PSD3: variants seen among roughly 807,000 people sequenced by gnomAD.
The protein encoded by PSD3 is PH and SEC7 domain-containing protein 3.
Under a neutral mutation model 105.5 loss-of-function variants are expected in PSD3, and 49 were observed. The ratio of observed to expected loss-of-function variants is 0.46; its 90% confidence interval spans 0.37 to 0.59. The LOEUF is 0.59. Among genes scored for constraint, PSD3 ranks in the 20% least tolerant of loss-of-function variants. The pLI, the probability that PSD3 is intolerant of heterozygous loss-of-function variation, is 0.00. For synonymous variants in PSD3, 557 were observed against 457.8 expected (o/e 1.22, Z -2.77); for missense variants, 1,561 against 1,263.8 (o/e 1.24, Z -3.57).
intron 1 of PSD3, among the ~76,000 whole-genome samples, chr8:18,943,634 G>C (rs1234555226): frequency 6.6e-6 from 1 of 152,034 alleles, no homozygotes; most frequent in East Asian, 1.9e-4. Flanking sequence ...CTATTCACAA[G>C]GAATGGTTAT....
rs1415286832 is a variant in PSD3 at position 18,674,052 on chromosome 8, G to T, written c.2173-18367C>A. 1.3e-5 allele frequency among the ~76,000 whole-genome samples: 2 copies of T among 152,086 alleles called. 1 individual carries two copies. Among genetic ancestry groups the T allele is most frequent in the East Asian group, 3.9e-4 (2 of 5,192 alleles). On this transcript the variant is annotated intron_variant, in intron 9 of 15. Transcript: ENST00000327040. ...CTGCTACTCTGGAAGCTGAGGACTT[G>T]GGAGGATTCCTTGAGCCCAGGAAGT...
At chr8:18,876,648 C>T (rs1402360765) in intron 2 of PSD3, among the ~76,000 whole-genome samples, 2 of 152,144 alleles carry the variant, frequency 1.3e-5, no homozygotes, top group Non-Finnish European at 2.9e-5. Context: ...GATACGCCTG[C>T]CTCGGCCTCC....
intron 9 of PSD3, among the ~76,000 whole-genome samples, chr8:18,691,859 G>A (rs555922523): frequency 4.6e-5 from 7 of 152,096 alleles, no homozygotes; most frequent in South Asian, 2.1e-4. Context: ...AATGCCAGTC[G>A]AAGTACATGA....
intron 8 of PSD3, 194 bp downstream of exon 8, chr8:18,799,101 T>A: frequency 1.8e-6 from 1 of 542,620 alleles, no homozygotes. Context: ...GGACGATGGA[T>A]TTAAAGTCAT....
chr8:18,884,037 T>G (rs1057326365), intron 2 of PSD3, among the ~76,000 whole-genome samples: 3 of 152,158 alleles, frequency 2.0e-5, no homozygotes, highest in Non-Finnish European at 4.4e-5. Context: ...GAAGCAAGCT[T>G]AAAATCACAT....
chr8:18,587,994 T>A (rs1316215086), intron 12 of PSD3, among the ~76,000 whole-genome samples: 1 of 152,166 alleles, frequency 6.6e-6, no homozygotes, highest in East Asian at 1.9e-4. Context: ...TAACTCCCTG[T>A]AGGATGCACA....
At chr8:18,548,021 G>A (rs548911141) in intron 15 of PSD3, among the ~76,000 whole-genome samples, 3 of 151,880 alleles carry the variant, frequency 2.0e-5, no homozygotes, top group East Asian at 3.9e-4. Flanking sequence ...TCCCCCATCT[G>A]ATTAGGTATT....
chr8:18,602,764 C>G (rs1472866633), intron 11 of PSD3, among the ~76,000 whole-genome samples: 1 of 152,106 alleles, frequency 6.6e-6, no homozygotes, highest in East Asian at 1.9e-4. Flanking sequence ...GCAGGTGCAA[C>G]TGCTCTGATT....
chr8:18,746,489 C>A (rs568161730), intron 9 of PSD3, among the ~76,000 whole-genome samples: 16 of 152,182 alleles, frequency 1.1e-4, no homozygotes, highest in Admixed American at 4.6e-4. Flanking sequence ...CTGGGGCACA[C>A]CAGCGTGGCC....
chr8:18,634,151 T>C (rs780701684), intron 10 of PSD3, among the ~76,000 whole-genome samples: 2 of 152,202 alleles, frequency 1.3e-5, no homozygotes, highest in Middle Eastern at 3.4e-3. Context: ...AGGTTCCTTA[T>C]AGAAGCTGGA....
intron 4 of PSD3, among the ~76,000 whole-genome samples, chr8:18,809,636 T>C (rs1297755507): frequency 1.3e-5 from 2 of 152,230 alleles, no homozygotes; most frequent in Non-Finnish European, 2.9e-5. Context: ...TCTTATATTT[T>C]ATCTGGCAAA....
chr8:18,662,296 G>C (rs533471137), intron 9 of PSD3, among the ~76,000 whole-genome samples: 1 of 152,238 alleles, frequency 6.6e-6, no homozygotes, highest in South Asian at 2.1e-4. Flanking sequence ...ATTATGCTAG[G>C]TACAGATGAA....
At chr8:18,970,320 G>C in intron 1 of PSD3, among the ~76,000 whole-genome samples, 1 of 34,748 alleles carries the variant, frequency 2.9e-5, no homozygotes, top group Non-Finnish European at 5.4e-5. Context: ...GCAAGACTCT[G>C]CCTCAAAAAA....
chr8:18,785,913 T>C (rs1462097051), intron 8 of PSD3, among the ~76,000 whole-genome samples: 1 of 152,214 alleles, frequency 6.6e-6, no homozygotes, highest in Non-Finnish European at 1.5e-5. Context: ...TGCTGTCTTA[T>C]ATGGGAATGG....
chr8:18,641,042 G>A (rs1270946878), intron 10 of PSD3, among the ~76,000 whole-genome samples: 1 of 152,146 alleles, frequency 6.6e-6, no homozygotes, highest in East Asian at 1.9e-4. Flanking sequence ...TTCTGCAGGT[G>A]CCTTGCACTC....
At chr8:19,013,418 C>A in intron 1 of PSD3, 145 bp downstream of exon 1, 5 of 1,046,488 alleles carry the variant, frequency 4.8e-6, no homozygotes, top group East Asian at 6.2e-5. Flanking sequence ...AGAGAAAAAT[C>A]GCACCCTGCA....
At chr8:18,620,800 C>T (rs188688052) in intron 11 of PSD3, among the ~76,000 whole-genome samples, 68 of 152,308 alleles carry the variant, frequency 4.5e-4, no homozygotes, top group Admixed American at 4.4e-3. Context: ...TTCTTATCCC[C>T]ATGATTAATT....
intron 11 of PSD3, 95 bp from the exon 12 acceptor site, chr8:18,600,529 T>C (rs1007882506): frequency 3.0e-6 from 3 of 1,000,626 alleles, no homozygotes; most frequent in East Asian, 2.4e-5. Context: ...TTCAATATTC[T>C]ACCTAGCTAC....
At chr8:18,841,693 TGAGTTTTCAAGA>T (rs1814641345) in intron 4 of PSD3, among the ~76,000 whole-genome samples, 1 of 152,116 alleles carries the variant, frequency 6.6e-6, no homozygotes, top group Non-Finnish European at 1.5e-5. Flanking sequence ...CAAAATTCTT[TGAGTTTTCAAGA>T]GACCTCCATC....
Sources: gnomAD v4.1 joint callset for allele counts (sites outside exome capture counted in the v4.1 genomes callset) on GRCh38, gnomAD v4.1.1 for gene constraint, MANE v1.5 for transcripts, NCBI Gene and HGNC (gene_info 2026-07-23, HGNC 2026-07-21) for gene names.